The following GNAQ variants were observed in gnomAD, a reference collection of about 807,000 sequenced individuals.
GNAQ encodes guanine nucleotide-binding protein G(q) subunit alpha.
A neutral mutation model predicts 43.9 loss-of-function variants in GNAQ; 8 were observed. The observed-to-expected ratio is 0.18, with a 90% confidence interval of 0.11 to 0.33. The LOEUF is 0.33. Among genes scored for constraint, GNAQ ranks in the 10% least tolerant of loss-of-function variants. The pLI, the probability that GNAQ is intolerant of heterozygous loss-of-function variation, is 1.00. For missense variants in GNAQ, 158 were observed against 450.8 expected (o/e 0.35, Z 5.88); for synonymous variants, 155 against 170.7 (o/e 0.91, Z 0.71).
chr9:77,769,556 G>T (rs1335443514), intron 5 of GNAQ, among the ~76,000 whole-genome samples: 1 of 151,840 alleles, frequency 6.6e-6, no homozygotes, highest in Non-Finnish European at 1.5e-5. Flanking sequence ...GAATGCACGT[G>T]TTTCTTATCT....
intron 1 of GNAQ, among the ~76,000 whole-genome samples, chr9:77,990,350 T>C (rs1823493220): frequency 6.6e-6 from 1 of 152,236 alleles, no homozygotes; most frequent in Non-Finnish European, 1.5e-5. Context: ...CCTAAGTAGC[T>C]GGGCCACCAA....
At position 77,828,494 on chromosome 9, in the gene GNAQ, A is replaced by G. The variant is rs199666025; in HGVS notation, c.322-12724T>C. Among the ~76,000 whole-genome samples, 22 of 152,296 alleles carry G rather than the reference A, an allele frequency of 1.4e-4. No individual in the cohort carries two copies. In the East Asian group the frequency reaches 3.3e-3, roughly 23 times the overall value. ...TACTTTTTTCTTTTGGGCCATTCAC[A>G]GTCTTCACAGCACAATTGTTGGGCA... On this transcript the variant is annotated intron_variant, in intron 2 of 6. Coordinates refer to ENST00000286548, the MANE Select transcript of GNAQ (RefSeq NM_002072.5).
intron 6 of GNAQ, among the ~76,000 whole-genome samples, chr9:77,726,178 A>G (rs1825394310): frequency 6.6e-6 from 1 of 152,246 alleles, no homozygotes; most frequent in African/African-American, 2.4e-5. Context: ...TGAGAAGTGC[A>G]GTCTCAGGCA....
At chr9:77,960,048 T>A (rs904307470) in intron 1 of GNAQ, among the ~76,000 whole-genome samples, 7 of 152,184 alleles carry the variant, frequency 4.6e-5, no homozygotes, top group Non-Finnish European at 8.8e-5. Context: ...CTTTTTTTTT[T>A]ATTCATATAA....
intron 1 of GNAQ, among the ~76,000 whole-genome samples, chr9:78,003,610 T>C (rs1388919946): frequency 3.3e-5 from 5 of 150,196 alleles, no homozygotes; most frequent in Non-Finnish European, 5.9e-5. Flanking sequence ...AGACCTGGAG[T>C]TCAAGACCAG....
chr9:77,921,581 T>C (rs1828997533), intron 2 of GNAQ, among the ~76,000 whole-genome samples: 1 of 152,200 alleles, frequency 6.6e-6, no homozygotes, highest in Middle Eastern at 3.2e-3. Flanking sequence ...ATTCCCCCAA[T>C]CCTTTTTCAA....
intron 2 of GNAQ, among the ~76,000 whole-genome samples, chr9:77,867,481 T>A (rs542801614): frequency 1.3e-5 from 2 of 152,344 alleles, no homozygotes; most frequent in African/African-American, 4.8e-5. Flanking sequence ...CCTAAATATA[T>A]GGTAGAGTCT....
At chr9:77,923,249 T>C (rs1829024376) in intron 1 of GNAQ, among the ~76,000 whole-genome samples, 1 of 152,158 alleles carries the variant, frequency 6.6e-6, no homozygotes, top group South Asian at 2.1e-4. Flanking sequence ...GTTGACTGAG[T>C]TATTCCAAGG....
At chr9:77,970,445 G>A (rs1203122737) in intron 1 of GNAQ, among the ~76,000 whole-genome samples, 1 of 152,178 alleles carries the variant, frequency 6.6e-6, no homozygotes, top group African/African-American at 2.4e-5. Flanking sequence ...GCTTTTCAAA[G>A]GCAGTATGGT....
Position 77,969,488 on chromosome 9 carries a change from C to A in GNAQ, c.137-47143G>T, listed in dbSNP as rs374877314. On this transcript the variant is annotated intron_variant, in intron 1 of 6. Transcript: ENST00000286548. ...CTGACATGGAAGAATACAATTAAGG[C>A]CAACTTAGAAACAAAAAGTCATAAA... is the stretch of plus-strand genomic sequence containing the variant. Among the ~76,000 whole-genome samples, 25 of 152,176 alleles carry A rather than the reference C, an allele frequency of 1.6e-4. No homozygotes were observed. In the East Asian group the frequency reaches 3.1e-3, roughly 19 times the overall value.
At chr9:77,955,250 C>A (rs1241370393) in intron 1 of GNAQ, among the ~76,000 whole-genome samples, 3 of 152,178 alleles carry the variant, frequency 2.0e-5, no homozygotes, top group African/African-American at 7.2e-5. Flanking sequence ...TCAAGCAATT[C>A]TTCCGCCTCA....
intron 1 of GNAQ, among the ~76,000 whole-genome samples, chr9:77,945,802 C>T (rs982337123): frequency 6.6e-6 from 1 of 152,180 alleles, no homozygotes; most frequent in Non-Finnish European, 1.5e-5. Context: ...ATGAACTTTA[C>T]ACCTCATCCA....
chr9:77,936,426 T>C lies in GNAQ; in HGVS notation c.137-14081A>G, dbSNP rs547824598. On this transcript the variant is annotated intron_variant, in intron 1 of 6. Transcript: ENST00000286548. ...AACATTGGAGGAAGCATAATAAACA[T>C]GGTTTTAGTCTTTAAAAAAACGATC... Among the ~76,000 whole-genome samples, 243 of 152,220 alleles carry C rather than the reference T, an allele frequency of 1.6e-3. 2 individuals are homozygous for C. Among genetic ancestry groups the C allele is most frequent in the African/African-American group, 5.0e-3 (206 of 41,536 alleles).
intron 1 of GNAQ, 99 bp downstream of exon 1, chr9:78,031,001 G>A: frequency 4.4e-6 from 4 of 904,734 alleles, no homozygotes; most frequent in Non-Finnish European, 5.8e-6. Flanking sequence ...GCGAACCGCG[G>A]GCGCCGGGGG....
At chr9:77,764,012 G>C (rs2118349295) in intron 5 of GNAQ, among the ~76,000 whole-genome samples, 1 of 152,302 alleles carries the variant, frequency 6.6e-6, no homozygotes, top group South Asian at 2.1e-4. Flanking sequence ...AGTGAAATAA[G>C]AGTTGCAAAA....
intron 2 of GNAQ, among the ~76,000 whole-genome samples, chr9:77,850,879 C>T (rs1827664856): frequency 6.6e-6 from 1 of 152,150 alleles, no homozygotes; most frequent in African/African-American, 2.4e-5. Context: ...CTCCTGCCTG[C>T]TCACCACCAT....
intron 2 of GNAQ, among the ~76,000 whole-genome samples, chr9:77,878,237 T>G (rs1828157201): frequency 6.6e-6 from 1 of 151,878 alleles, no homozygotes; most frequent in African/African-American, 2.4e-5. Context: ...TTTTTTTTTT[T>G]TTTTTGAAAC....
At chr9:77,742,556 A>G (rs1397608223) in intron 5 of GNAQ, among the ~76,000 whole-genome samples, 3 of 152,118 alleles carry the variant, frequency 2.0e-5, no homozygotes, top group African/African-American at 7.2e-5. Context: ...ACCTATTACT[A>G]AGTTACGCAG....
chr9:77,801,005 G>C (rs1008577455), intron 3 of GNAQ, among the ~76,000 whole-genome samples: 46 of 152,218 alleles, frequency 3.0e-4, no homozygotes, highest in African/African-American at 1.1e-3. Context: ...GGTCAGAACA[G>C]AGGGCTGTTA....
Sources: allele counts gnomAD v4.1 joint callset (sites outside exome capture counted in the v4.1 genomes callset), GRCh38; gene constraint gnomAD v4.1.1; transcripts MANE v1.5; gene names NCBI Gene and HGNC (gene_info 2026-07-23, HGNC 2026-07-21).